Variants in KIAA0825 observed in about 807,000 individuals in gnomAD.
KIAA0825 encodes uncharacterized protein KIAA0825.
Under a neutral mutation model 147.6 loss-of-function variants are expected in KIAA0825, and 119 were observed. The ratio of observed to expected loss-of-function variants is 0.81; its 90% CI spans 0.69 to 0.94. The LOEUF is 0.94. Ranked by LOEUF, KIAA0825 falls within the 40% of genes least tolerant of loss-of-function variation. KIAA0825 has a pLI of 0.00. For synonymous variants in KIAA0825, 470 were observed against 518.1 expected (o/e 0.91, Z 1.26); for missense variants, 1,381 against 1,472.7 (o/e 0.94, Z 1.02).
intron 20 of KIAA0825, among the ~76,000 whole-genome samples, chr5:94,297,380 T>C (rs1173174934): frequency 2.0e-5 from 3 of 152,244 alleles, no homozygotes; most frequent in Non-Finnish European, 4.4e-5. Flanking sequence ...CTTGGAGTTT[T>C]ATTTGTGTTT....
chr5:94,344,925 A>G (rs1172787725), intron 20 of KIAA0825, among the ~76,000 whole-genome samples: 1 of 152,144 alleles, frequency 6.6e-6, no homozygotes. Flanking sequence ...GAGGAATGGG[A>G]GTTATTGATA....
chr5:94,437,766 G>A (rs1392543507), intron 14 of KIAA0825, among the ~76,000 whole-genome samples: 1 of 152,074 alleles, frequency 6.6e-6, no homozygotes, highest in African/African-American at 2.4e-5. Context: ...TCTCTTATAG[G>A]ACCATGCCTG....
At chr5:94,563,828 G>A (rs576393530) in intron 2 of KIAA0825, among the ~76,000 whole-genome samples, 1 of 152,092 alleles carries the variant, frequency 6.6e-6, no homozygotes, top group African/African-American at 2.4e-5. Context: ...GGGATTATAG[G>A]CGCCTGCCAC....
chr5:94,545,827 CAG>C (rs1218685438), intron 2 of KIAA0825, among the ~76,000 whole-genome samples: 3 of 152,144 alleles, frequency 2.0e-5, no homozygotes, highest in Non-Finnish European at 4.4e-5. Flanking sequence ...TTGAGAAAAA[CAG>C]GGGGAAAAGT....
chr5:94,293,421 T>C (rs916758599), intron 20 of KIAA0825, among the ~76,000 whole-genome samples: 2 of 152,216 alleles, frequency 1.3e-5, no homozygotes, highest in African/African-American at 4.8e-5. Context: ...TTGTGCAGTT[T>C]TGAGTGAGTT....
At chr5:94,234,965 T>C (rs368877420) in intron 20 of KIAA0825, among the ~76,000 whole-genome samples, 2 of 151,916 alleles carry the variant, frequency 1.3e-5, no homozygotes, top group African/African-American at 4.8e-5. Flanking sequence ...TTCTGACTGC[T>C]CCACCAATCA....
intron 20 of KIAA0825, among the ~76,000 whole-genome samples, chr5:94,219,837 C>G (rs1773530060): frequency 6.6e-6 from 1 of 152,134 alleles, no homozygotes; most frequent in South Asian, 2.1e-4. Context: ...ACTGGTGAGC[C>G]AGTGAGTGAG....
At chr5:94,356,258 C>CTTGT in intron 20 of KIAA0825, among the ~76,000 whole-genome samples, 1 of 152,026 alleles carries the variant, frequency 6.6e-6, no homozygotes, top group East Asian at 1.9e-4. Flanking sequence ...AGCAAAACTA[C>CTTGT]AAGTTACTGC....
chr5:94,609,395 G>A (rs1336783025), intron 1 of KIAA0825, among the ~76,000 whole-genome samples: 1 of 151,574 alleles, frequency 6.6e-6, no homozygotes. Flanking sequence ...AACATGTAGT[G>A]GTTTGTTTAA....
At chr5:94,531,984 G>C (rs974125269) in intron 3 of KIAA0825, among the ~76,000 whole-genome samples, 8 of 151,844 alleles carry the variant, frequency 5.3e-5, no homozygotes, top group African/African-American at 1.9e-4. Context: ...GCCATCATAC[G>C]GAAAACTTGA....
intron 5 of KIAA0825, among the ~76,000 whole-genome samples, chr5:94,490,208 C>T (rs963586870): frequency 6.6e-6 from 1 of 152,092 alleles, no homozygotes; most frequent in Admixed American, 6.6e-5. Flanking sequence ...TATCGCAGAA[C>T]TCAGCATAAT....
intron 5 of KIAA0825, among the ~76,000 whole-genome samples, chr5:94,502,562 T>C (rs946678541): frequency 1.3e-5 from 2 of 152,150 alleles, no homozygotes; most frequent in African/African-American, 4.8e-5. Context: ...ATAAGAATGG[T>C]AACCCTGGGA....
chr5:94,180,925 T>C (rs1769553739), intron 20 of KIAA0825, among the ~76,000 whole-genome samples: 2 of 152,166 alleles, frequency 1.3e-5, no homozygotes. Context: ...TCTGGGTTAT[T>C]CATCTTCAAA....
At chr5:94,519,358 T>G (rs1767743059) in intron 5 of KIAA0825, 1 of 887,598 alleles carries the variant, frequency 1.1e-6, no homozygotes, top group Non-Finnish European at 1.3e-6. Context: ...TTTATGAACT[T>G]ATTCAGAAAT....
At chr5:94,596,281 T>C (rs1653345244) in intron 1 of KIAA0825, among the ~76,000 whole-genome samples, 1 of 152,220 alleles carries the variant, frequency 6.6e-6, no homozygotes, top group African/African-American at 2.4e-5. Flanking sequence ...AAGGGGTCCA[T>C]CTTCAAACTT....
Position 94,402,982 on chromosome 5 carries a change from G to A in KIAA0825, c.2887+587C>T, listed in dbSNP as rs1751586511. Reference sequence around the variant, plus strand: ...AAATAAACGAATAATGTAGGTAACTGATAGTTCTTAAGTACACTTGGTGGA... The same window carrying A: ...AAATAAACGAATAATGTAGGTAACTAATAGTTCTTAAGTACACTTGGTGGA... On this transcript the variant is annotated intron_variant, in intron 16 of 20. Coordinates refer to ENST00000682413, the MANE Select transcript of KIAA0825 (RefSeq NM_001145678.3). Among the ~76,000 whole-genome samples the A allele has an allele frequency of 2.6e-5, 4 of 152,078 alleles. No individual in the cohort carries two copies. In the South Asian group the frequency reaches 8.3e-4, roughly 32 times the overall value.
At chr5:94,368,510 G>A (rs548187686) in intron 20 of KIAA0825, among the ~76,000 whole-genome samples, 1 of 152,288 alleles carries the variant, frequency 6.6e-6, no homozygotes, top group East Asian at 1.9e-4. Flanking sequence ...AAGGAAAAAT[G>A]TAAGGAGAGA....
chr5:94,366,935 T>C (rs998707416), intron 20 of KIAA0825, among the ~76,000 whole-genome samples: 4 of 152,168 alleles, frequency 2.6e-5, no homozygotes, highest in African/African-American at 9.7e-5. Context: ...TTTGACCTGA[T>C]TGGCTAGCAA....
intron 1 of KIAA0825, among the ~76,000 whole-genome samples, chr5:94,583,554 A>G (rs1336514751): frequency 6.6e-6 from 1 of 152,240 alleles, no homozygotes; most frequent in African/African-American, 2.4e-5. Flanking sequence ...ACCACAGCTC[A>G]GCAAGGCCTA....
Sources: allele counts gnomAD v4.1 joint callset (sites outside exome capture counted in the v4.1 genomes callset), GRCh38; gene constraint gnomAD v4.1.1; transcripts MANE v1.5; gene names NCBI Gene and HGNC (gene_info 2026-07-23, HGNC 2026-07-21).